The following ERICH3 variants were observed in gnomAD, a reference collection of about 807,000 sequenced individuals.
ERICH3 encodes glutamate rich 3, also known as glutamate-rich protein 3.
Under a neutral mutation model 131.1 loss-of-function variants are expected in ERICH3, and 126 were observed. The ratio of observed to expected loss-of-function variants is 0.96; its 90% confidence interval spans 0.83 to 1.11. The LOEUF (loss-of-function observed/expected upper bound fraction) is 1.11. Among genes scored for constraint, ERICH3 ranks in the 50% most tolerant of loss-of-function variants. The pLI is 0.00. For synonymous variants in ERICH3, 695 were observed against 644.6 expected (o/e 1.08, Z -1.18); for missense variants, 2,050 against 1,810.7 (o/e 1.13, Z -2.40).
intron 7 of ERICH3, among the ~76,000 whole-genome samples, chr1:74,627,962 G>A (rs970885214): frequency 1.3e-5 from 2 of 152,178 alleles, no homozygotes; most frequent in Middle Eastern, 3.4e-3. Flanking sequence ...ACCATGCATG[G>A]TGCCATTTAC....
chr1:74,573,219 T>G lies in ERICH3; in HGVS notation c.2491A>C (p.Ile831Leu), dbSNP rs537105429. 319 of 1,612,108 alleles carry G rather than the reference T, an allele frequency of 2.0e-4. 3 individuals are homozygous for G. The South Asian group carries it at 2.5e-3, about 12-fold the overall frequency. The change falls in exon 14 of 15, where the codon ATC becomes CTC. Residue 831 changes from isoleucine to leucine, a missense_variant. By Grantham distance (5) the Ile-to-Leu change is conservative. Coordinates refer to ENST00000326665, the MANE Select transcript of ERICH3 (RefSeq NM_001002912.5). ...GCCCCCCTTTCTATGCCTGGAGGGATCTCCCTTTTTTCTGTAAACTCTTCT... is the reference window on the plus strand; with the variant it reads ...GCCCCCCTTTCTATGCCTGGAGGGAGCTCCCTTTTTTCTGTAAACTCTTCT... ...LAEEFTEKREIPPGIERGAEG... is the reference protein window; with the variant it reads ...LAEEFTEKRELPPGIERGAEG...
chr1:74,649,882 C>T (rs1379492498), intron 1 of ERICH3, among the ~76,000 whole-genome samples: 1 of 152,192 alleles, frequency 6.6e-6, no homozygotes, highest in South Asian at 2.1e-4. Context: ...TATGTCCTGG[C>T]GTGCTGTGTT....
chr1:74,582,674 G>A (rs1647199854), intron 12 of ERICH3, among the ~76,000 whole-genome samples: 1 of 152,120 alleles, frequency 6.6e-6, no homozygotes, highest in Admixed American at 6.6e-5. Flanking sequence ...GCCATCACAA[G>A]TGGGATGTAA....
chr1:74,580,499 T>C (rs1182994825), intron 12 of ERICH3, among the ~76,000 whole-genome samples: 2 of 152,226 alleles, frequency 1.3e-5, no homozygotes, highest in East Asian at 1.9e-4. Flanking sequence ...TATTTCTAAA[T>C]GTTCTTTTAA....
chr1:74,603,854 C>A (rs1175760454), intron 10 of ERICH3, among the ~76,000 whole-genome samples: 2 of 151,820 alleles, frequency 1.3e-5, no homozygotes, highest in East Asian at 3.9e-4. Context: ...GAGGATATTC[C>A]CTTGATGTTA....
chr1:74,595,076 A>C (rs1647784709), intron 11 of ERICH3, among the ~76,000 whole-genome samples: 1 of 152,142 alleles, frequency 6.6e-6, no homozygotes, highest in Non-Finnish European at 1.5e-5. Flanking sequence ...CCAAGAGTTC[A>C]CAGCAAAATC....
At position 74,573,018 on chromosome 1, in the gene ERICH3, C is replaced by G; in HGVS notation, c.2692G>C (p.Gly898Arg). The G allele has an allele frequency of 6.2e-7, 1 of 1,614,170 alleles. No homozygotes were observed. Among genetic ancestry groups the G allele is most frequent in the Non-Finnish European group, 8.5e-7 (1 of 1,180,024 alleles). The change falls in exon 14 of 15, where the codon GGT becomes CGT. Residue 898 changes from glycine to arginine, a missense_variant. Gly to Arg is a moderately radical substitution (Grantham distance 125, BLOSUM62 -2). Coordinates refer to ENST00000326665, the MANE Select transcript of ERICH3 (RefSeq NM_001002912.5). ...TDKAASEGEQ[G>R]LEKAVLANEA... The stretch of plus-strand genomic sequence containing the variant: ...TTTGCAAGCACTGCCTTCTCTAAAC[C>G]CTGTTCCCCTTCAGAAGCTGCTTTG...
chr1:74,669,929 T>C (rs747102908), intron 1 of ERICH3, among the ~76,000 whole-genome samples: 7 of 152,204 alleles, frequency 4.6e-5, no homozygotes, highest in Non-Finnish European at 1.0e-4. Context: ...ACCCTTAAAA[T>C]GTAACAAGTA....
At position 74,569,952 on chromosome 1, in the gene ERICH3, G is replaced by T. The variant is rs1646916674; in HGVS notation, c.*506C>A. 2 of 152,128 alleles carry T rather than the reference G, an allele frequency of 1.3e-5. No individual in the cohort carries two copies. Among genetic ancestry groups the T allele is most frequent in the African/African-American group, 4.8e-5 (2 of 41,406 alleles). 9.4% of individuals were successfully genotyped at this position (152,128 alleles called of 1,614,324 possible). ...GCAATCTTGAGTTTTGAGTGTACGT[G>T]GGAGGAAATTTAGAGCTCATTTTCA... is the stretch of plus-strand genomic sequence containing the variant. On this transcript the variant is annotated 3_prime_UTR_variant, in exon 15 of 15. Transcript: ENST00000326665.
intron 7 of ERICH3, among the ~76,000 whole-genome samples, chr1:74,628,510 T>C (rs1256434024): frequency 6.6e-6 from 1 of 152,142 alleles, no homozygotes; most frequent in African/African-American, 2.4e-5. Context: ...CAGTATATAA[T>C]ACAAATAGCA....
chr1:74,620,945 A>G, intron 7 of ERICH3, 31 bp from the exon 8 acceptor site: 1 of 1,469,846 alleles, frequency 6.8e-7, no homozygotes, highest in East Asian at 2.5e-5. Flanking sequence ...AGGCTTATTA[A>G]CGAATTACTT....
At chr1:74,616,578 C>A (rs1648977144) in intron 8 of ERICH3, among the ~76,000 whole-genome samples, 1 of 151,886 alleles carries the variant, frequency 6.6e-6, no homozygotes, top group African/African-American at 2.4e-5. Context: ...GAAAATTGCC[C>A]ACAGTTTGAA....
In ERICH3 at chr1:74,636,696, T is replaced by C. The variant is rs114913283; in HGVS notation, c.445-258A>G. On this transcript the variant is annotated intron_variant, in intron 5 of 14. Transcript: ENST00000326665. ...GACAAAGGAGATGTCCTCCATTACA[T>C]TCCTGTATTTTCATTCATACTGCAA... 4.7e-3 allele frequency among the ~76,000 whole-genome samples: 721 copies of C among 152,328 alleles called. 3 individuals are homozygous for C. Among genetic ancestry groups the C allele is most frequent in the African/African-American group, 0.016 (679 of 41,588 alleles).
At chr1:74,642,659 C>T (rs771834795) in intron 4 of ERICH3, among the ~76,000 whole-genome samples, 2 of 152,080 alleles carry the variant, frequency 1.3e-5, no homozygotes, top group Non-Finnish European at 2.9e-5. Context: ...TGTATCATTC[C>T]TAAAAAGCCC....
intron 12 of ERICH3, among the ~76,000 whole-genome samples, chr1:74,586,787 G>A (rs1647350676): frequency 6.6e-6 from 1 of 152,092 alleles, no homozygotes; most frequent in East Asian, 1.9e-4. Flanking sequence ...TTAAAGATGT[G>A]AAAAATGATC....
chr1:74,619,523 A>G (rs576463892), intron 8 of ERICH3, among the ~76,000 whole-genome samples: 43 of 152,304 alleles, frequency 2.8e-4, no homozygotes, highest in African/African-American at 9.6e-4. Context: ...AGGAAACTCC[A>G]TGCTACTCAG....
rs74522481 is a variant in ERICH3 at position 74,590,610 on chromosome 1, A to T, written c.1727-530T>A. Among the ~76,000 whole-genome samples the T allele has an allele frequency of 3.6e-3, 541 of 152,308 alleles. 3 individuals carry two copies. Among genetic ancestry groups the T allele is most frequent in the African/African-American group, 0.013 (526 of 41,568 alleles). ...ACTGATCTAACAGGAGATGGACCTCAGGCAGTAATGCCAGCGATAGGGGAT... is the reference window on the plus strand; with the variant it reads ...ACTGATCTAACAGGAGATGGACCTCTGGCAGTAATGCCAGCGATAGGGGAT... On this transcript the variant is annotated intron_variant, in intron 11 of 14. Coordinates refer to ENST00000326665, the MANE Select transcript of ERICH3 (RefSeq NM_001002912.5).
rs751274490 is a variant in ERICH3 at position 74,572,141 on chromosome 1, T to G, written c.3569A>C (p.His1190Pro). The G allele has an allele frequency of 1.2e-6, 2 of 1,614,186 alleles. No homozygotes were observed. ...GCTGGACAGCTCTTCTCTGTCTTTG[T>G]GCTCTGTGTCTCTGGCTTCACTCAG... ...ERLSEARDTE[H>P]KDREELSSRE... Residue 1190 changes from histidine (H) to proline (P), a missense_variant, in exon 14 of 15, where the codon CAC becomes CCC. Coordinates refer to ENST00000326665, the MANE Select transcript of ERICH3 (RefSeq NM_001002912.5).
intron 10 of ERICH3, 127 bp downstream of exon 10, chr1:74,606,474 G>C (rs1361819916): frequency 3.1e-6 from 3 of 964,100 alleles, no homozygotes; most frequent in Non-Finnish European, 4.6e-6. Context: ...AAGGAGGTCA[G>C]GGGCACCCCA....
Sources: allele counts gnomAD v4.1 joint callset (sites outside exome capture counted in the v4.1 genomes callset), GRCh38; gene constraint gnomAD v4.1.1; transcripts MANE v1.5; gene names NCBI Gene and HGNC (gene_info 2026-07-23, HGNC 2026-07-21).